The following AGBL4 variants were observed in gnomAD, a reference collection of about 807,000 sequenced individuals.
AGBL4 encodes the protein cytosolic carboxypeptidase 6.
Under a neutral mutation model 66.4 loss-of-function variants are expected in AGBL4, and 58 were observed. That is an observed-to-expected ratio of 0.87 (90% CI 0.71 to 1.09). The LOEUF (loss-of-function observed/expected upper bound fraction) is 1.09, where lower values mean the gene tolerates loss of function less well. Among genes scored for constraint, AGBL4 ranks in the 50% least tolerant of loss-of-function variants. The pLI, the probability that AGBL4 is intolerant of heterozygous loss-of-function variation, is 0.00. For synonymous variants in AGBL4, 234 were observed against 222.9 expected, an observed-to-expected ratio of 1.05 and a Z score of -0.44; for missense variants, 579 against 631.0, an observed-to-expected ratio of 0.92 and a Z score of 0.88.
the AGBL4 span, among the ~76,000 whole-genome samples, chr1:48,523,086 T>C: frequency 1.3e-5 from 2 of 152,132 alleles, no homozygotes; most frequent in Non-Finnish European, 2.9e-5. Flanking sequence ...GGAGGAGCCC[T>C]TAGTGATCAC....
In AGBL4 at chr1:49,851,498, C is replaced by G. The variant is rs1433594912; in HGVS notation, c.55G>C (p.Asp19His). The G allele has an allele frequency of 1.2e-5, 19 of 1,548,902 alleles. No homozygotes were observed. The highest frequency in any genetic ancestry group is 2.0e-5 in the Admixed American group (1 of 50,630). ...PEAGNDMGND[D>H]AIGGNVSKYI... ...TTGCTCACATTCCCTCCAATGGCAT[C>G]ATCATTTCCCATATCATTGCCTATT... Residue 19 changes from aspartate to histidine, a missense_variant, in exon 2 of 14, where the codon GAT becomes CAT. Physicochemically the swap from Asp to His is moderately conservative, Grantham distance 81. Coordinates refer to ENST00000371839, the MANE Select transcript of AGBL4 (RefSeq NM_032785.4).
intron 10 of AGBL4, 97 bp downstream of exon 10, chr1:48,590,735 TC>T: frequency 7.5e-7 from 1 of 1,330,700 alleles, no homozygotes; most frequent in South Asian, 1.5e-5. Flanking sequence ...GAGTTAGGTG[TC>T]CCGTGGAGCT....
At chr1:49,094,464 G>T (rs551721103) in intron 4 of AGBL4, among the ~76,000 whole-genome samples, 2 of 152,136 alleles carry the variant, frequency 1.3e-5, no homozygotes, top group South Asian at 4.2e-4. Flanking sequence ...TTTGTCGTTG[G>T]TTCTGTTTAT....
intron 3 of AGBL4, among the ~76,000 whole-genome samples, chr1:49,476,106 T>C (rs537311229): frequency 6.6e-6 from 1 of 152,194 alleles, no homozygotes; most frequent in South Asian, 2.1e-4. Flanking sequence ...GAGATTTTGG[T>C]ATGTTTTGTC....
chr1:49,484,011 T>C (rs1256044826), intron 3 of AGBL4, among the ~76,000 whole-genome samples: 1 of 152,034 alleles, frequency 6.6e-6, no homozygotes, highest in Non-Finnish European at 1.5e-5. Context: ...CTCAACATTA[T>C]TGATCATCAG....
At chr1:49,840,671 A>G (rs2148038588) in intron 2 of AGBL4, among the ~76,000 whole-genome samples, 1 of 152,326 alleles carries the variant, frequency 6.6e-6, no homozygotes, top group Middle Eastern at 3.4e-3. Flanking sequence ...CTAATTCACC[A>G]CAATCAAGCA....
chr1:48,776,358 T>C (rs1349827834), intron 6 of AGBL4, among the ~76,000 whole-genome samples: 1 of 152,080 alleles, frequency 6.6e-6, no homozygotes, highest in Admixed American at 6.5e-5. Flanking sequence ...GATGAAGAGA[T>C]GAAGACGGAC....
chr1:49,192,869 A>C (rs1328824445), intron 4 of AGBL4, among the ~76,000 whole-genome samples: 1 of 152,244 alleles, frequency 6.6e-6, no homozygotes, highest in East Asian at 1.9e-4. Flanking sequence ...CGTTAAACTC[A>C]CTGCTCTTTT....
In AGBL4 at chr1:49,131,347, C is replaced by T. The variant is rs1299573722; in HGVS notation, c.378-85547G>A. 2.0e-5 allele frequency among the ~76,000 whole-genome samples: 3 copies of T among 151,926 alleles called. 1 individual carries two copies. Among genetic ancestry groups the T allele is most frequent in the African/African-American group, 4.8e-5 (2 of 41,370 alleles). On this transcript the variant is annotated intron_variant, in intron 4 of 13. Transcript: ENST00000371839. ...ATGGGTCTATACATTTGTCAAAATT[C>T]GTTGATCACTACCCTTAAAAGGTAT...
At chr1:49,909,640 T>C (rs1650621421) in intron 1 of AGBL4, among the ~76,000 whole-genome samples, 1 of 152,148 alleles carries the variant, frequency 6.6e-6, no homozygotes, top group Non-Finnish European at 1.5e-5. Context: ...CTTAGGTTTT[T>C]AGTCTAAAGC....
At position 48,590,864 on chromosome 1, in the gene AGBL4, A is replaced by G; in HGVS notation, c.1073T>C (p.Leu358Pro). Residue 358 changes from leucine to proline, a missense_variant, in exon 10 of 14, where the codon CTC (leucine) becomes CCC (proline). Leu to Pro is a moderately conservative substitution (Grantham distance 98). Transcript: ENST00000371839. The stretch of plus-strand genomic sequence containing the variant: ...GAAGTCCTCAGCATTCTGGCAGAGG[A>G]GCTTGGGAAAAATGGCCTGCCTCTG... ...RFQRQAIFPKLLCQNAEDFSY... is the reference protein window; with the variant it reads ...RFQRQAIFPKPLCQNAEDFSY... 1.2e-6 allele frequency: 2 copies of G among 1,604,742 alleles called. No homozygotes were observed. Among genetic ancestry groups the G allele is most frequent in the Non-Finnish European group, 1.7e-6 (2 of 1,175,660 alleles).
In AGBL4 at chr1:48,677,449, TAGG is replaced by T. The variant is rs372697872; in HGVS notation, c.635-14211_635-14209del. Among the ~76,000 whole-genome samples the T allele has an allele frequency of 3.3e-5, 5 of 150,378 alleles. No homozygotes were observed. The East Asian group carries it at 7.9e-4, about 24-fold the overall frequency. On this transcript the variant is annotated intron_variant, in intron 6 of 13. Coordinates refer to ENST00000371839, the MANE Select transcript of AGBL4 (RefSeq NM_032785.4). The stretch of plus-strand genomic sequence containing the variant: ...GTACAGATCCAGGCTCCTAGGAGGG[TAGG>T]AGAAGGGAAAGGAAGGGAAATCTCG...
intron 9 of AGBL4, among the ~76,000 whole-genome samples, chr1:48,593,766 T>TA (rs1557814623): frequency 6.6e-6 from 1 of 151,912 alleles, no homozygotes; most frequent in South Asian, 2.1e-4. Flanking sequence ...AATAAATAAA[T>TA]AAATAAAATA....
rs934864387 is a variant in AGBL4 at position 48,933,369 on chromosome 1, T to C, written c.595-66139A>G. On this transcript the variant is annotated intron_variant, in intron 5 of 13. Coordinates refer to ENST00000371839, the MANE Select transcript of AGBL4 (RefSeq NM_032785.4). Reference sequence around the variant, plus strand: ...GCCATCCAACTTTGCCTTAAACTCATCCAGAGACAGGAAGCTCACTACCTT... The same window carrying C: ...GCCATCCAACTTTGCCTTAAACTCACCCAGAGACAGGAAGCTCACTACCTT... Among the ~76,000 whole-genome samples the C allele has an allele frequency of 2.6e-4, 39 of 152,328 alleles. 1 individual carries two copies. The highest frequency in any genetic ancestry group is 8.9e-4 in the African/African-American group (37 of 41,582).
chr1:48,770,296 A>G (rs1303874523), intron 6 of AGBL4, among the ~76,000 whole-genome samples: 3 of 152,202 alleles, frequency 2.0e-5, no homozygotes, highest in Non-Finnish European at 4.4e-5. Context: ...GTGAAAAGGA[A>G]AAGGTAGCTG....
chr1:48,526,285 T>G, the AGBL4 span, among the ~76,000 whole-genome samples: 1 of 152,170 alleles, frequency 6.6e-6, no homozygotes, highest in Non-Finnish European at 1.5e-5. Context: ...ACACAAGCAT[T>G]AGAGTCTGAT....
intron 1 of AGBL4, among the ~76,000 whole-genome samples, chr1:49,953,514 G>T (rs915662367): frequency 7.9e-5 from 12 of 151,782 alleles, no homozygotes; most frequent in Non-Finnish European, 1.3e-4. Flanking sequence ...CAGAAGGCTG[G>T]CATATTTTTA....
At chr1:48,943,526 G>C (rs1656195378) in intron 5 of AGBL4, among the ~76,000 whole-genome samples, 1 of 152,180 alleles carries the variant, frequency 6.6e-6, no homozygotes, top group Admixed American at 6.5e-5. Context: ...CTCCCACTGA[G>C]GCATGCTCTA....
intron 1 of AGBL4, among the ~76,000 whole-genome samples, chr1:50,005,116 T>C (rs1224409633): frequency 2.6e-5 from 4 of 152,068 alleles, no homozygotes; most frequent in African/African-American, 4.8e-5. Flanking sequence ...CACCTGCTGA[T>C]TGTAGAGCCT....
Sources: gnomAD v4.1 joint callset for allele counts (sites outside exome capture counted in the v4.1 genomes callset) on GRCh38, gnomAD v4.1.1 for gene constraint, MANE v1.5 for transcripts, NCBI Gene and HGNC (gene_info 2026-07-23, HGNC 2026-07-21) for gene names.